Variants in ATL3 observed in about 807,000 individuals in gnomAD.
ATL3 encodes atlastin GTPase 3.
A neutral mutation model predicts 69.5 loss-of-function variants in ATL3; 49 were observed. That is an observed-to-expected ratio of 0.71 (90% confidence interval 0.56 to 0.89). The LOEUF (loss-of-function observed/expected upper bound fraction) is 0.89. Among genes scored for constraint, ATL3 ranks in the 40% least tolerant of loss-of-function variants. The pLI is 0.00. For synonymous variants in ATL3, 214 were observed against 224.1 expected (o/e 0.95, Z 0.40); for missense variants, 606 against 645.7 (o/e 0.94, Z 0.67).
At chr11:63,656,012 CAGG>C (rs1238594340) in intron 3 of ATL3, among the ~76,000 whole-genome samples, 8 of 152,020 alleles carry the variant, frequency 5.3e-5, no homozygotes, top group Non-Finnish European at 1.2e-4. Context: ...ATCACGAGGT[CAGG>C]AGATCGAGAC....
rs773678243 is a variant in ATL3 at position 63,652,441 on chromosome 11, G to A, written c.510+30C>T. On this transcript the variant is annotated intron_variant, in intron 4 of 12. Transcript: ENST00000398868. ...CCTCCCTTTATCTTATTTCCTTTGCGAGCTTTTTTCTGAGTCAAGTGGTTT... is the reference window on the plus strand; with the variant it reads ...CCTCCCTTTATCTTATTTCCTTTGCAAGCTTTTTTCTGAGTCAAGTGGTTT... 23 of 1,367,654 alleles carry A rather than the reference G, an allele frequency of 1.7e-5. No homozygotes were observed. The Middle Eastern group carries it at 5.6e-4, about 34-fold the overall frequency. 84.7% of individuals were successfully genotyped at this position (1,367,654 alleles called of 1,614,324 possible).
chr11:63,632,584 G>A, intron 11 of ATL3: 1 of 855,924 alleles, frequency 1.2e-6, no homozygotes, highest in South Asian at 1.3e-5. Flanking sequence ...TAAATCTACA[G>A]AATTCTACAG....
At position 63,634,235 on chromosome 11, in the gene ATL3, G is replaced by A. The variant is rs183465257; in HGVS notation, c.1036-1138C>T. On this transcript the variant is annotated intron_variant, in intron 10 of 12. Transcript: ENST00000398868. ...GAAGAAAAAAAAGGGGGCTGGGCGCGGTGACTCACGCCTGTAATCCCAGCA... is the reference window on the plus strand; with the variant it reads ...GAAGAAAAAAAAGGGGGCTGGGCGCAGTGACTCACGCCTGTAATCCCAGCA... 3.1e-3 allele frequency among the ~76,000 whole-genome samples: 468 copies of A among 151,382 alleles called. 3 individuals carry two copies. The highest frequency in any genetic ancestry group is 0.01 in the African/African-American group (428 of 41,350).
intron 7 of ATL3, 82 bp from the exon 8 acceptor site, chr11:63,643,577 A>G: frequency 7.6e-7 from 1 of 1,318,188 alleles, no homozygotes; most frequent in East Asian, 2.4e-5. Context: ...GGACAAAGGA[A>G]AGAAGACTCC....
intron 8 of ATL3, among the ~76,000 whole-genome samples, chr11:63,642,800 C>A (rs1006392545): frequency 4.0e-4 from 61 of 152,166 alleles, no homozygotes; most frequent in African/African-American, 1.4e-3. Context: ...AACAAGTGCT[C>A]AGTTTAACAC....
intron 1 of ATL3, among the ~76,000 whole-genome samples, chr11:63,661,177 G>A (rs948835191): frequency 3.3e-5 from 5 of 149,920 alleles, no homozygotes; most frequent in African/African-American, 9.8e-5. Flanking sequence ...AGCCGTGATC[G>A]CGCCACTGCA....
intron 3 of ATL3, 110 bp downstream of exon 3, chr11:63,658,651 C>T: frequency 1.6e-6 from 2 of 1,225,134 alleles, no homozygotes; most frequent in Non-Finnish European, 2.2e-6. Context: ...CTTACTTTAC[C>T]CATTTTAAAT....
chr11:63,660,901 T>C (rs895899207), intron 1 of ATL3, among the ~76,000 whole-genome samples: 2 of 151,890 alleles, frequency 1.3e-5, no homozygotes, highest in African/African-American at 4.8e-5. Context: ...TTGATGTAAA[T>C]AATACTGCTC....
At chr11:63,636,471 G>A (rs1047661450) in intron 8 of ATL3, 137 bp from the exon 9 acceptor site, 4 of 1,192,118 alleles carry the variant, frequency 3.4e-6, no homozygotes, top group Admixed American at 2.3e-5. Context: ...GGGCACGGTG[G>A]CTCACGCCTA....
rs1348692658 is a variant in ATL3 at position 63,627,922 on chromosome 11, G to C, written c.*1397C>G. On this transcript the variant is annotated 3_prime_UTR_variant, in exon 13 of 13. Coordinates refer to ENST00000398868, the MANE Select transcript of ATL3 (RefSeq NM_015459.5). ...GGGTTAATTTTAGCTTCATTATTAA[G>C]AACATTAGACACGGCAGAGAATGCA... 6.6e-6 allele frequency: 1 copy of C among 152,142 alleles called. No individual in the cohort carries two copies. Among genetic ancestry groups the C allele is most frequent in the Non-Finnish European group, 1.5e-5 (1 of 68,022 alleles). The allele number at this position is 152,142 out of a possible 1,614,324, so 9.4% of individuals were successfully genotyped here.
chr11:63,647,585 T>TC (rs563984189), intron 5 of ATL3, among the ~76,000 whole-genome samples: 1,556 of 152,328 alleles, frequency 0.01, 16 homozygotes, highest in Non-Finnish European at 0.016. Context: ...GCATTTAAAC[T>TC]CCATGAGGGC....
intron 8 of ATL3, among the ~76,000 whole-genome samples, chr11:63,639,526 G>A (rs886223721): frequency 6.6e-6 from 1 of 152,168 alleles, no homozygotes; most frequent in African/African-American, 2.4e-5. Context: ...GTGGAAGGTG[G>A]GAGGATCACT....
At chr11:63,650,314 G>A (rs1228088745) in intron 5 of ATL3, among the ~76,000 whole-genome samples, 1 of 151,960 alleles carries the variant, frequency 6.6e-6, no homozygotes, top group East Asian at 1.9e-4. Flanking sequence ...ATTCTGAAGT[G>A]CTCCATATAG....
At chr11:63,644,071 T>C (rs1312828661) in intron 7 of ATL3, 98 bp downstream of exon 7, 2 of 766,104 alleles carry the variant, frequency 2.6e-6, no homozygotes, top group East Asian at 4.9e-5. Flanking sequence ...GTATTCAATA[T>C]CATTTTCAAT....
chr11:63,642,741 T>C (rs747531861), intron 8 of ATL3, among the ~76,000 whole-genome samples: 1 of 152,242 alleles, frequency 6.6e-6, no homozygotes. Context: ...GTACCTAGCA[T>C]AGTGTTGCAA....
At chr11:63,668,678 C>CTATA (rs1474425409) in intron 1 of ATL3, among the ~76,000 whole-genome samples, 1 of 151,450 alleles carries the variant, frequency 6.6e-6, no homozygotes, top group African/African-American at 2.4e-5. Flanking sequence ...TGATGCCAGG[C>CTATA]TATATCACAA....
At chr11:63,638,731 A>C (rs868002467) in intron 8 of ATL3, among the ~76,000 whole-genome samples, 28 of 152,172 alleles carry the variant, frequency 1.8e-4, no homozygotes, top group East Asian at 5.8e-4. Context: ...ACAAAACAAA[A>C]AAAAAAAAAC....
rs1262723380 is a variant in ATL3 at position 63,625,592 on chromosome 11, T to C, written c.*3727A>G. 1 of 152,248 alleles carries C rather than the reference T, an allele frequency of 6.6e-6. No individual in the cohort carries two copies. The highest frequency in any genetic ancestry group is 1.5e-5 in the Non-Finnish European group (1 of 68,056). The allele number at this position is 152,248 out of a possible 1,614,324, so 9.4% of individuals were successfully genotyped here. A position where few individuals can be genotyped will look rare whatever the true frequency, so the allele number is the denominator to read the frequency against. On this transcript the variant is annotated 3_prime_UTR_variant, in exon 13 of 13. Coordinates refer to ENST00000398868, the MANE Select transcript of ATL3 (RefSeq NM_015459.5). ...CCAAGGCACCATTTTACAAGCCAAG[T>C]AGAACACTGTGTGTGATCCACTAAT...
chr11:63,629,199 T>C lies in ATL3; in HGVS notation c.*120A>G, dbSNP rs914548865. 5.5e-6 allele frequency: 4 copies of C among 730,822 alleles called. No individual in the cohort carries two copies. The highest frequency in any genetic ancestry group is 3.3e-5 in the South Asian group (2 of 60,474). The allele number at this position is 730,822 out of a possible 1,614,324, so 45.3% of individuals were successfully genotyped here. Reference sequence around the variant, plus strand: ...GCTCATTTATTACAGGGCCATGTTTTAGCTCTTCCTGGATCGTCTCAGATC... The same window carrying C: ...GCTCATTTATTACAGGGCCATGTTTCAGCTCTTCCTGGATCGTCTCAGATC... On this transcript the variant is annotated 3_prime_UTR_variant, in exon 13 of 13. Coordinates refer to ENST00000398868, the MANE Select transcript of ATL3 (RefSeq NM_015459.5).
Sources: allele counts gnomAD v4.1 joint callset (sites outside exome capture counted in the v4.1 genomes callset), GRCh38; gene constraint gnomAD v4.1.1; transcripts MANE v1.5; gene names NCBI Gene and HGNC (gene_info 2026-07-23, HGNC 2026-07-21).